The following TDG variants were observed in gnomAD, a reference collection of about 807,000 sequenced individuals.
TDG encodes thymine DNA glycosylase.
TDG carries 23 observed loss-of-function variants against 46.1 expected under a neutral mutation model. The ratio of observed to expected loss-of-function variants is 0.50; its 90% CI spans 0.36 to 0.71. The LOEUF is 0.71. Among genes scored for constraint, TDG ranks in the 30% least tolerant of loss-of-function variants. The probability of loss-of-function intolerance (pLI) is 0.00; values close to 1 mark genes in which losing one functional copy is unlikely to be tolerated. For missense variants in TDG, 304 were observed against 486.7 expected, an observed-to-expected ratio of 0.62 and a Z score of 3.53; for synonymous variants, 115 against 161.3, an observed-to-expected ratio of 0.71 and a Z score of 2.18.
rs1278670369 is a variant in TDG at position 103,988,207 on chromosome 12, C to T, written c.*1117C>T. ...GTCTGGTAGATATTAAAGCTGGGTA[C>T]TAAGAAATGTTATTTGCATCCTCTC... On this transcript the variant is annotated 3_prime_UTR_variant, in exon 10 of 10. Coordinates refer to ENST00000392872, the MANE Select transcript of TDG (RefSeq NM_003211.6). 1.3e-5 allele frequency: 2 copies of T among 152,228 alleles called. No homozygotes were observed. Among genetic ancestry groups the T allele is most frequent in the African/African-American group, 4.8e-5 (2 of 41,476 alleles). The allele number at this position is 152,228 out of a possible 1,614,324, so 9.4% of individuals were successfully genotyped here.
intron 4 of TDG, among the ~76,000 whole-genome samples, chr12:103,981,957 T>A (rs1434279525): frequency 1.3e-5 from 2 of 152,170 alleles, no homozygotes; most frequent in Non-Finnish European, 2.9e-5. Context: ...GAGGCTGCAG[T>A]TAGCCATAAT....
At chr12:103,973,710 T>G (rs1388059722) in intron 1 of TDG, among the ~76,000 whole-genome samples, 1 of 152,230 alleles carries the variant, frequency 6.6e-6, no homozygotes, top group African/African-American at 2.4e-5. Flanking sequence ...CAGGTATGCT[T>G]CTAAGCATAG....
chr12:103,980,998 A>T, intron 4 of TDG, 36 bp downstream of exon 4: 1 of 1,569,772 alleles, frequency 6.4e-7, no homozygotes, highest in Non-Finnish European at 8.7e-7. Context: ...TTACTTTTAA[A>T]TTAGGTATCT....
chr12:103,980,064 AT>A lies in TDG; in HGVS notation c.402del (p.Ile134MetfsTer6). On this transcript the variant is annotated frameshift_variant, in exon 3 of 10. Coordinates refer to ENST00000392872, the MANE Select transcript of TDG (RefSeq NM_003211.6). LOFTEE classifies it high-confidence loss of function. ...LPDILTFNLD[I>X]VIIGINPGLM... ...CGATATTTTGACCTTCAATCTGGAC[AT>A]TGTCATTGTAAGATCTTTGTCCTCG... The A allele has an allele frequency of 6.2e-7, 1 of 1,614,156 alleles. No homozygotes were observed.
At chr12:103,980,464 C>A in intron 3 of TDG, 1 of 218,262 alleles carries the variant, frequency 4.6e-6, no homozygotes, top group Non-Finnish European at 9.0e-6. Flanking sequence ...ATTTTAAGCT[C>A]TTATTTTTCT....
At chr12:103,975,423 G>GT (rs1373004657) in intron 1 of TDG, among the ~76,000 whole-genome samples, 2 of 152,252 alleles carry the variant, frequency 1.3e-5, no homozygotes, top group Admixed American at 6.5e-5. Flanking sequence ...AACAGTAGAG[G>GT]TTTTTTTGGC....
At chr12:103,968,100 C>CA (rs1871137272) in intron 1 of TDG, 1 of 152,138 alleles carries the variant, frequency 6.6e-6, no homozygotes, top group East Asian at 1.9e-4. Flanking sequence ...GCTGGGATTA[C>CA]AAGCATGAGC....
chr12:103,987,265 A>G lies in TDG; in HGVS notation c.*175A>G. 1.1e-6 allele frequency: 1 copy of G among 889,326 alleles called. No homozygotes were observed. The highest frequency in any genetic ancestry group is 1.6e-6 in the Non-Finnish European group (1 of 628,880). 55.1% of individuals were successfully genotyped at this position (889,326 alleles called of 1,614,324 possible). On this transcript the variant is annotated 3_prime_UTR_variant, in exon 10 of 10. Coordinates refer to ENST00000392872, the MANE Select transcript of TDG (RefSeq NM_003211.6). ...GTATGAACCTAAGTAGTTTGGAAGA[A>G]AAAGTAGGGTTTTTGTATACTAGCT... is the stretch of plus-strand genomic sequence containing the variant.
intron 1 of TDG, among the ~76,000 whole-genome samples, chr12:103,970,201 G>A (rs1871231285): frequency 6.6e-6 from 1 of 152,142 alleles, no homozygotes; most frequent in African/African-American, 2.4e-5. Context: ...ACTTAGGCTG[G>A]GTGCAGTGGC....
chr12:103,975,913 C>T (rs141838300), intron 1 of TDG, among the ~76,000 whole-genome samples: 119 of 151,904 alleles, frequency 7.8e-4, no homozygotes, highest in Non-Finnish European at 1.3e-3. Flanking sequence ...CTACCCTCCT[C>T]GGCCTCCCAA....
chr12:103,980,233 G>C, intron 3 of TDG, 161 bp downstream of exon 3: 1 of 938,174 alleles, frequency 1.1e-6, no homozygotes, highest in Non-Finnish European at 1.5e-6. Flanking sequence ...ATATGAGAGT[G>C]TTTAAGAGGG....
At chr12:103,968,029 C>T (rs1871132634) in intron 1 of TDG, 1 of 151,956 alleles carries the variant, frequency 6.6e-6, no homozygotes, top group Non-Finnish European at 1.5e-5. Context: ...GAGGTTTCAC[C>T]ATTTTGGCCA....
rs1437477138 is a variant in TDG, at chr12:103,982,943, A to G, written c.614+9A>G. Reference sequence around the variant, plus strand: ...AGCAAAGATCTCTCCAGGTAAGTACACAGCATTTGCTTTTATGGGTTGGAA... The same window carrying G: ...AGCAAAGATCTCTCCAGGTAAGTACGCAGCATTTGCTTTTATGGGTTGGAA... On this transcript the variant is annotated intron_variant, in intron 5 of 9. Transcript: ENST00000392872. 2 of 1,613,502 alleles carry G rather than the reference A, an allele frequency of 1.2e-6. No homozygotes were observed. Among genetic ancestry groups the G allele is most frequent in the African/African-American group, 2.7e-5 (2 of 75,002 alleles).
At chr12:103,983,505 T>G (rs1372055749) in intron 7 of TDG, 116 bp downstream of exon 7, 10 of 658,522 alleles carry the variant, frequency 1.5e-5, no homozygotes, top group Middle Eastern at 8.3e-4. Context: ...ACACTGTATT[T>G]TGTTGAATAA....
rs1387696913 is a variant in TDG, at chr12:103,966,067, C to T, written c.23+7C>T. 2.5e-6 allele frequency: 4 copies of T among 1,577,170 alleles called. No individual in the cohort carries two copies. The African/African-American group carries it at 5.5e-5, about 22-fold the overall frequency. ...AAGCGGAGAACGCGGGCAGGTAATA[C>T]CGGGGCCAGCGCCGCCCCTCCCTTG... is the stretch of plus-strand genomic sequence containing the variant. On this transcript the variant is annotated splice_region_variant and intron_variant, in intron 1 of 9. Coordinates refer to ENST00000392872, the MANE Select transcript of TDG (RefSeq NM_003211.6).
intron 2 of TDG, among the ~76,000 whole-genome samples, chr12:103,978,144 T>C (rs1460067216): frequency 6.6e-6 from 1 of 152,048 alleles, no homozygotes; most frequent in Non-Finnish European, 1.5e-5. Flanking sequence ...GTTTGAATAA[T>C]CTAGGGGAGC....
chr12:103,971,808 G>A (rs1435803498), intron 1 of TDG, among the ~76,000 whole-genome samples: 1 of 152,196 alleles, frequency 6.6e-6, no homozygotes, highest in Non-Finnish European at 1.5e-5. Context: ...TTTGGGGTCT[G>A]TTTTGAGTCT....
chr12:103,976,591 C>G (rs948491521), intron 1 of TDG, among the ~76,000 whole-genome samples: 1 of 152,160 alleles, frequency 6.6e-6, no homozygotes, highest in African/African-American at 2.4e-5. Flanking sequence ...GTTGATAGAC[C>G]TTTCAAGTCT....
chr12:103,985,731 ATGGTTCCCTCC>A lies in TDG; in HGVS notation c.1090+4_1090+14del. The A allele has an allele frequency of 5.9e-6, 3 of 506,986 alleles. No individual in the cohort carries two copies. Among genetic ancestry groups the A allele is most frequent in the Non-Finnish European group, 7.2e-6 (3 of 415,916 alleles). 31.4% of individuals were successfully genotyped at this position (506,986 alleles called of 1,614,324 possible). A position where few individuals can be genotyped will look rare whatever the true frequency, so the allele number is the denominator to read the frequency against. On this transcript the variant is annotated splice_donor_5th_base_variant and intron_variant, in intron 9 of 9. Transcript: ENST00000392872. The stretch of plus-strand genomic sequence containing the variant: ...TGGCTTCTCTTCAAATGGGCTAAGT[ATGGTTCCCTCC>A]ACATGTGTATTCCTTTCAAAGACGG...
Sources: gnomAD v4.1 joint callset for allele counts (sites outside exome capture counted in the v4.1 genomes callset) on GRCh38, gnomAD v4.1.1 for gene constraint, MANE v1.5 for transcripts, NCBI Gene and HGNC (gene_info 2026-07-23, HGNC 2026-07-21) for gene names.